Variants in CHD7 observed in about 807,000 individuals in gnomAD.
CHD7 encodes ATP-dependent chromatin remodeler CHD7.
A neutral mutation model predicts 307.3 loss-of-function variants in CHD7; 24 were observed. The observed-to-expected ratio is 0.08, with a 90% CI of 0.06 to 0.11. The LOEUF is 0.11. CHD7 is among the 10% of genes least tolerant of loss of function. The pLI, the probability that CHD7 is intolerant of heterozygous loss-of-function variation, is 1.00. For missense variants in CHD7, 3,106 were observed against 3,727.1 expected (o/e 0.83, Z 4.34); for synonymous variants, 1,363 against 1,349.9 (o/e 1.01, Z -0.21).
intron 1 of CHD7, among the ~76,000 whole-genome samples, chr8:60,722,978 C>G (rs534495447): frequency 6.6e-6 from 1 of 152,302 alleles, no homozygotes; most frequent in African/African-American, 2.4e-5. Context: ...TCATTAAACT[C>G]TATTGGTCTA....
chr8:60,679,665 G>GCCCCCGC (rs1280751710), intron 1 of CHD7: 4 of 146,490 alleles, frequency 2.7e-5, no homozygotes, highest in African/African-American at 7.4e-5. Context: ...CCCGCCTCCC[G>GCCCCCGC]CCCCCGCCCC....
intron 7 of CHD7, chr8:60,809,668 G>GAAA (rs36108691): frequency 2.8e-4 from 27 of 96,328 alleles, no homozygotes; most frequent in East Asian, 5.7e-4. Flanking sequence ...AGGGAGTTTT[G>GAAA]AAAAAAAAAA....
chr8:60,686,997 A>T (rs1404143510), intron 1 of CHD7, among the ~76,000 whole-genome samples: 1 of 152,178 alleles, frequency 6.6e-6, no homozygotes, highest in Non-Finnish European at 1.5e-5. Flanking sequence ...TCCAGGCTGG[A>T]TTCTAATTCC....
Position 60,723,598 on chromosome 8 carries a change from G to C in CHD7, c.-174-17661G>C, listed in dbSNP as rs190786580. Among the ~76,000 whole-genome samples the C allele has an allele frequency of 1.6e-3, 243 of 152,278 alleles. 1 individual carries two copies. The highest frequency in any genetic ancestry group is 5.7e-3 in the African/African-American group (238 of 41,556). ...TAAATGCAAAAAACCTAATATAGTT[G>C]ACAATATGCCAGAAATTATGTAAAT... On this transcript the variant is annotated intron_variant, in intron 1 of 37. Coordinates refer to ENST00000423902, the MANE Select transcript of CHD7 (RefSeq NM_017780.4).
intron 2 of CHD7, among the ~76,000 whole-genome samples, chr8:60,759,800 G>T (rs1810085211): frequency 1.3e-5 from 2 of 152,148 alleles, no homozygotes; most frequent in African/African-American, 4.8e-5. Flanking sequence ...GAAAAATAAG[G>T]TTGTTGAGAA....
intron 1 of CHD7, among the ~76,000 whole-genome samples, chr8:60,700,046 T>G (rs1806683054): frequency 6.6e-6 from 1 of 152,046 alleles, no homozygotes; most frequent in South Asian, 2.1e-4. Flanking sequence ...GTTTGGCTGC[T>G]AGGCTGCTCT....
At chr8:60,851,193 T>C (rs570452232) in intron 27 of CHD7, 69 bp from the exon 28 acceptor site, 46 of 1,504,684 alleles carry the variant, frequency 3.1e-5, no homozygotes, top group Non-Finnish European at 3.9e-5. Flanking sequence ...ATAATGACCT[T>C]TTCTTTAAAA....
chr8:60,694,599 C>G (rs1019255309), intron 1 of CHD7, among the ~76,000 whole-genome samples: 3 of 152,176 alleles, frequency 2.0e-5, no homozygotes, highest in Non-Finnish European at 4.4e-5. Flanking sequence ...GAGCAGGTGG[C>G]CAGCCCAGAA....
At position 60,781,004 on chromosome 8, in the gene CHD7, C is replaced by T. The variant is rs1169047370; in HGVS notation, c.1670C>T (p.Ser557Phe). ...ATTCCTATTTGTGTCTCTCAGCATTCCCCGTCGGAGCCCTTTCTAGAGAAA... is the reference window on the plus strand; with the variant it reads ...ATTCCTATTTGTGTCTCTCAGCATTTCCCGTCGGAGCCCTTTCTAGAGAAA... ...TPQKVPVHQHSPSEPFLEKPV... is the reference protein window; with the variant it reads ...TPQKVPVHQHFPSEPFLEKPV... Residue 557 changes from serine to phenylalanine, a missense_variant, in exon 3 of 38, where the codon TCC (serine) becomes TTC (phenylalanine). Ser to Phe is a radical substitution (Grantham distance 155). Around this residue, in one of 10 missense-constraint regions of CHD7, gnomAD observed 998 missense variants for 1,004.5 expected, o/e 0.99. Transcript: ENST00000423902. 6.5e-7 allele frequency: 1 copy of T among 1,549,548 alleles called. No homozygotes were observed. The highest frequency in any genetic ancestry group is 1.4e-5 in the African/African-American group (1 of 72,158).
At chr8:60,807,939 A>C (rs540523902) in intron 6 of CHD7, among the ~76,000 whole-genome samples, 28 of 152,354 alleles carry the variant, frequency 1.8e-4, no homozygotes, top group Admixed American at 3.3e-4. Flanking sequence ...ATTTGGGGTC[A>C]GGTTGTTGTG....
chr8:60,865,797 T>G lies in CHD7; in HGVS notation c.8858T>G (p.Leu2953Arg). Reference sequence around the variant, plus strand: ...GGACCCTTTAAAGATGGAGAGACCCTTGAAGGCAGCGATGCCGAGGAGAGC... The same window carrying G: ...GGACCCTTTAAAGATGGAGAGACCCGTGAAGGCAGCGATGCCGAGGAGAGC... ...EGGPFKDGET[L>R]EGSDAEESLD... Residue 2953 changes from leucine (L) to arginine (R), a missense_variant, in exon 38 of 38, where the codon CTT becomes CGT. Coordinates refer to ENST00000423902, the MANE Select transcript of CHD7 (RefSeq NM_017780.4). This position sits in a 1 kb window ranked among gnomAD's most constrained non-coding sequence, Gnocchi z 4.3. The G allele has an allele frequency of 6.2e-7, 1 of 1,613,996 alleles. No individual in the cohort carries two copies. Among genetic ancestry groups the G allele is most frequent in the East Asian group, 2.2e-5 (1 of 44,886 alleles).
chr8:60,748,913 T>G (rs1460973695), intron 2 of CHD7, among the ~76,000 whole-genome samples: 2 of 151,554 alleles, frequency 1.3e-5, no homozygotes, highest in African/African-American at 4.8e-5. Flanking sequence ...GGTAATAATT[T>G]CCCATCTCCT....
At chr8:60,691,330 T>C (rs1207795932) in intron 1 of CHD7, among the ~76,000 whole-genome samples, 1 of 152,208 alleles carries the variant, frequency 6.6e-6, no homozygotes, top group Non-Finnish European at 1.5e-5. Context: ...AGCCTGCTAT[T>C]GATCTAGTGA....
chr8:60,727,666 G>C (rs1205751712), intron 1 of CHD7, among the ~76,000 whole-genome samples: 1 of 151,986 alleles, frequency 6.6e-6, no homozygotes, highest in Non-Finnish European at 1.5e-5. Context: ...CTTTTCTCTT[G>C]TCATTCTAAA....
intron 13 of CHD7, chr8:60,824,807 T>C (rs1443463542): frequency 6.6e-6 from 1 of 152,198 alleles, no homozygotes; most frequent in Non-Finnish European, 1.5e-5. Flanking sequence ...CTAGATTTTT[T>C]TTTCAGCAGG....
At chr8:60,835,146 A>T (rs1366504100) in intron 15 of CHD7, among the ~76,000 whole-genome samples, 3 of 152,246 alleles carry the variant, frequency 2.0e-5, no homozygotes, top group Non-Finnish European at 4.4e-5. Context: ...AGGCAGGAGG[A>T]GGTCAGACCA....
intron 21 of CHD7, among the ~76,000 whole-genome samples, chr8:60,842,944 C>T (rs898469618): frequency 1.3e-5 from 2 of 152,184 alleles, no homozygotes; most frequent in Non-Finnish European, 1.5e-5. Context: ...TGCACAAGCT[C>T]TTCCCACTGC....
At chr8:60,750,160 T>C (rs1195799641) in intron 2 of CHD7, among the ~76,000 whole-genome samples, 1 of 152,222 alleles carries the variant, frequency 6.6e-6, no homozygotes, top group Admixed American at 6.5e-5. Flanking sequence ...GATAAGAATT[T>C]AGTTTGTTAG....
chr8:60,753,445 T>C (rs1206669306), intron 2 of CHD7, among the ~76,000 whole-genome samples: 1 of 152,166 alleles, frequency 6.6e-6, no homozygotes, highest in Non-Finnish European at 1.5e-5. Flanking sequence ...AGATGTGAGC[T>C]TAAGGCTTGC....
Sources: allele counts gnomAD v4.1 joint callset (sites outside exome capture counted in the v4.1 genomes callset), GRCh38; gene constraint gnomAD v4.1.1; regional missense constraint gnomAD v4.1.1; non-coding constraint Gnocchi (gnomAD v3.1); transcripts MANE v1.5; gene names NCBI Gene and HGNC (gene_info 2026-07-23, HGNC 2026-07-21).